TENM2: variants seen among roughly 807,000 people sequenced by gnomAD.
TENM2 encodes teneurin transmembrane protein 2, also known as teneurin-2.
Under a neutral mutation model 245.2 loss-of-function variants are expected in TENM2, and 52 were observed. The observed-to-expected ratio is 0.21, with a 90% CI of 0.17 to 0.27. The LOEUF (loss-of-function observed/expected upper bound fraction) is 0.27. TENM2 is among the 10% of genes least tolerant of loss of function. The probability of loss-of-function intolerance (pLI) is 1.00; values close to 1 mark genes in which losing one functional copy is unlikely to be tolerated. For missense variants in TENM2, 3,046 were observed against 3,666.8 expected (o/e 0.83, Z 4.37); for synonymous variants, 1,363 against 1,438.9 (o/e 0.95, Z 1.19).
intron 2 of TENM2, among the ~76,000 whole-genome samples, chr5:167,801,485 G>A (rs959607973): frequency 2.0e-5 from 3 of 151,920 alleles, no homozygotes; most frequent in Non-Finnish European, 4.4e-5. Flanking sequence ...TGGTATTATT[G>A]GAGCTATGAA....
chr5:168,195,603 TG>T (rs1340071812), intron 15 of TENM2, among the ~76,000 whole-genome samples: 14 of 119,540 alleles, frequency 1.2e-4, no homozygotes, highest in African/African-American at 3.6e-4. Context: ...TGTGTGTGTG[TG>T]TGTGTGTTGG....
the TENM2 span, among the ~76,000 whole-genome samples, chr5:167,004,571 C>G: frequency 6.6e-6 from 1 of 152,136 alleles, no homozygotes; most frequent in Admixed American, 6.5e-5. Context: ...TTTGCTAGAT[C>G]CATTGGCTTT....
At chr5:167,101,869 A>ATATATATATATATATATATATG in the TENM2 span, among the ~76,000 whole-genome samples, 117 of 125,720 alleles carry the variant, frequency 9.3e-4, no homozygotes, top group African/African-American at 2.0e-3. Flanking sequence ...ATATATATAT[A>ATATATATATATATATATATATG]TATATATGCA....
chr5:167,014,961 T>A, the TENM2 span, among the ~76,000 whole-genome samples: 3 of 152,228 alleles, frequency 2.0e-5, no homozygotes, highest in Non-Finnish European at 2.9e-5. Context: ...ATGGTTTGGC[T>A]GCCTGTTAAA....
At position 167,384,481 on chromosome 5, in the gene TENM2, A is replaced by T. The variant is rs1311968602; in HGVS notation, c.502+9008A>T. Among the ~76,000 whole-genome samples the T allele has an allele frequency of 2.6e-5, 4 of 152,170 alleles. No individual in the cohort carries two copies. In the East Asian group the frequency reaches 7.7e-4, roughly 29 times the overall value. On this transcript the variant is annotated intron_variant, in intron 2 of 28. Coordinates refer to ENST00000518659, the Ensembl canonical transcript of TENM2. ...CTAGTCTAGAAAAAATTCCAACTCC[A>T]GTCAGGATAATGGGAATATAGTGAT... is the stretch of plus-strand genomic sequence containing the variant.
At chr5:168,104,688 A>C (rs1414638866) in intron 9 of TENM2, among the ~76,000 whole-genome samples, 1 of 152,144 alleles carries the variant, frequency 6.6e-6, no homozygotes, top group Non-Finnish European at 1.5e-5. Context: ...GCATCTGAAG[A>C]CATCCTTGCA....
intron 4 of TENM2, among the ~76,000 whole-genome samples, chr5:167,966,134 C>G (rs147200421): frequency 6.6e-6 from 1 of 152,132 alleles, no homozygotes; most frequent in Admixed American, 6.5e-5. Context: ...GGTGGCAACC[C>G]GGATGGTAAA....
chr5:167,608,789 G>A, intron 2 of TENM2, among the ~76,000 whole-genome samples: 1 of 152,118 alleles, frequency 6.6e-6, no homozygotes, highest in East Asian at 1.9e-4. Flanking sequence ...TCCTGAAAAT[G>A]CTTTTGTGCT....
chr5:167,503,693 A>C (rs765833717), intron 2 of TENM2, among the ~76,000 whole-genome samples: 5 of 152,172 alleles, frequency 3.3e-5, no homozygotes, highest in Non-Finnish European at 2.9e-5. Context: ...CAGGAGTTCC[A>C]GACCAGTCTG....
intron 1 of TENM2, among the ~76,000 whole-genome samples, chr5:167,322,391 T>A (rs1167234879): frequency 6.6e-6 from 1 of 152,140 alleles, no homozygotes. Context: ...TTTCCCTCTC[T>A]AGGAAACACC....
At chr5:168,032,089 C>G (rs928621242) in intron 5 of TENM2, among the ~76,000 whole-genome samples, 1 of 152,168 alleles carries the variant, frequency 6.6e-6, no homozygotes, top group Non-Finnish European at 1.5e-5. Flanking sequence ...CCAGAGTCCC[C>G]AAGTTCAAAG....
chr5:168,143,843 CTTTTTTT>C (rs70976464), intron 12 of TENM2, among the ~76,000 whole-genome samples: 34,560 of 103,060 alleles, frequency 0.34, 4,487 homozygotes, highest in East Asian at 0.63. Context: ...TACTACACTT[CTTTTTTT>C]TTTTTTTTTT....
At chr5:167,582,661 T>C (rs1209267926) in intron 2 of TENM2, among the ~76,000 whole-genome samples, 5 of 152,196 alleles carry the variant, frequency 3.3e-5, no homozygotes, top group Admixed American at 1.3e-4. Flanking sequence ...TTCAGATAAA[T>C]GAACATTTAC....
intron 28 of TENM2, among the ~76,000 whole-genome samples, chr5:168,261,006 A>C (rs1768139090): frequency 6.6e-6 from 1 of 152,164 alleles, no homozygotes; most frequent in Non-Finnish European, 1.5e-5. Flanking sequence ...CAGCACTATC[A>C]AAGTCTGAAA....
At chr5:167,205,209 C>G in the TENM2 span, among the ~76,000 whole-genome samples, 1 of 152,062 alleles carries the variant, frequency 6.6e-6, no homozygotes, top group Non-Finnish European at 1.5e-5. Context: ...GGCAAAACTC[C>G]ATCTCTAATA....
At chr5:167,929,566 T>C (rs1778123972) in intron 3 of TENM2, among the ~76,000 whole-genome samples, 1 of 152,210 alleles carries the variant, frequency 6.6e-6, no homozygotes, top group Non-Finnish European at 1.5e-5. Flanking sequence ...GATATTACCA[T>C]GTTATTAGCA....
intron 2 of TENM2, among the ~76,000 whole-genome samples, chr5:167,448,070 A>G (rs1582075047): frequency 6.6e-6 from 1 of 152,186 alleles, no homozygotes; most frequent in South Asian, 2.1e-4. Flanking sequence ...CCCAGTCCCT[A>G]CTTATCAACA....
At position 167,784,584 on chromosome 5, in the gene TENM2, T is replaced by C. The variant is rs536918657; in HGVS notation, c.503-91402T>C. On this transcript the variant is annotated intron_variant, in intron 2 of 28. Coordinates refer to ENST00000518659, the Ensembl canonical transcript of TENM2. ...GCCTTCTGGGTGTTTACATTCCTAG[T>C]AGTCTCTGCTCACCTGCTTTTAACC... Among the ~76,000 whole-genome samples the C allele has an allele frequency of 2.0e-5, 3 of 152,350 alleles. No homozygotes were observed. In the East Asian group the frequency reaches 5.8e-4, roughly 29 times the overall value.
At chr5:168,051,124 C>G (rs992925482) in intron 6 of TENM2, among the ~76,000 whole-genome samples, 2 of 152,134 alleles carry the variant, frequency 1.3e-5, no homozygotes, top group African/African-American at 4.8e-5. Context: ...GGAAAGCATA[C>G]AAGAGATTTT....
Sources: gnomAD v4.1 joint callset for allele counts (sites outside exome capture counted in the v4.1 genomes callset) on GRCh38, gnomAD v4.1.1 for gene constraint, MANE v1.5 for transcripts, NCBI Gene and HGNC (gene_info 2026-07-23, HGNC 2026-07-21) for gene names.